The following NAV3 variants were observed in gnomAD, a reference collection of about 807,000 sequenced individuals.
NAV3 encodes the protein neuron navigator 3.
A neutral mutation model predicts 244.7 loss-of-function variants in NAV3; 87 were observed. The observed-to-expected ratio is 0.36, with a 90% CI of 0.30 to 0.42. The LOEUF (loss-of-function observed/expected upper bound fraction) is 0.42, where lower values mean the gene tolerates loss of function less well. NAV3 is among the 20% of genes least tolerant of loss of function. The pLI, the probability that NAV3 is intolerant of heterozygous loss-of-function variation, is 1.00. For missense variants in NAV3, 2,663 were observed against 2,893.3 expected (o/e 0.92, Z 1.83); for synonymous variants, 1,126 against 1,042.2 (o/e 1.08, Z -1.55).
chr12:77,846,760 T>G (rs995883372), intron 1 of NAV3, among the ~76,000 whole-genome samples: 1 of 152,212 alleles, frequency 6.6e-6, no homozygotes, highest in Admixed American at 6.5e-5. Context: ...TTAACAGGAA[T>G]TTTTCAAATT....
chr12:77,771,118 C>T (rs1870059078), intron 2 of NAV3, among the ~76,000 whole-genome samples: 1 of 152,186 alleles, frequency 6.6e-6, no homozygotes, highest in African/African-American at 2.4e-5. Flanking sequence ...TGAACAGACA[C>T]TTCTCAAAAG....
At chr12:78,045,154 A>G (rs978265321) in intron 9 of NAV3, among the ~76,000 whole-genome samples, 8 of 152,262 alleles carry the variant, frequency 5.3e-5, no homozygotes, top group Non-Finnish European at 8.8e-5. Context: ...GTTGAATTTT[A>G]TCGAAGGCCT....
chr12:77,905,386 T>G (rs1885858191), intron 1 of NAV3, among the ~76,000 whole-genome samples: 1 of 152,082 alleles, frequency 6.6e-6, no homozygotes, highest in African/African-American at 2.4e-5. Context: ...CCTTAACTTC[T>G]CTTTATAGGG....
chr12:78,150,267 C>T (rs1957023035), intron 22 of NAV3, among the ~76,000 whole-genome samples: 1 of 151,978 alleles, frequency 6.6e-6, no homozygotes, highest in South Asian at 2.1e-4. Context: ...GGCTCAATGG[C>T]AAACCTTATT....
intron 16 of NAV3, 114 bp downstream of exon 16, chr12:78,122,542 T>A (rs1955720821): frequency 7.7e-7 from 1 of 1,299,818 alleles, no homozygotes; most frequent in Non-Finnish European, 1.0e-6. Flanking sequence ...TGCAAAAAGA[T>A]GTAAGACTGA....
chr12:77,889,537 T>G (rs2136721704), intron 1 of NAV3, among the ~76,000 whole-genome samples: 1 of 152,354 alleles, frequency 6.6e-6, no homozygotes, highest in Admixed American at 6.5e-5. Context: ...TTTTAACTAC[T>G]CTAAGTTAAT....
chr12:78,154,573 T>G (rs192515467), intron 22 of NAV3, among the ~76,000 whole-genome samples: 34 of 151,422 alleles, frequency 2.2e-4, no homozygotes, highest in African/African-American at 7.0e-4. Context: ...CCAAAGAGAG[T>G]ATGGATTGAA....
chr12:78,016,327 G>A (rs1186618020), intron 8 of NAV3, among the ~76,000 whole-genome samples: 2 of 151,982 alleles, frequency 1.3e-5, no homozygotes, highest in African/African-American at 4.8e-5. Flanking sequence ...ATAATTCAAT[G>A]TGATTATTCA....
At chr12:77,958,139 G>T (rs750944379) in intron 3 of NAV3, among the ~76,000 whole-genome samples, 1 of 152,092 alleles carries the variant, frequency 6.6e-6, no homozygotes, top group Non-Finnish European at 1.5e-5. Context: ...TTGTAATTTA[G>T]CAATCAGACA....
chr12:77,949,622 T>G (rs1180255299), intron 3 of NAV3, among the ~76,000 whole-genome samples: 1 of 151,954 alleles, frequency 6.6e-6, no homozygotes, highest in African/African-American at 2.4e-5. Flanking sequence ...CCCTCACACA[T>G]GCATAGCCTC....
chr12:78,179,717 A>G, intron 29 of NAV3, 35 bp downstream of exon 29: 1 of 1,576,526 alleles, frequency 6.3e-7, no homozygotes. Flanking sequence ...AATAAAATGG[A>G]GAAACAAAAA....
chr12:77,604,615 G>T (rs550869682), intron 2 of NAV3, among the ~76,000 whole-genome samples: 2 of 151,794 alleles, frequency 1.3e-5, no homozygotes, highest in Admixed American at 1.3e-4. Context: ...TTAGAATGCA[G>T]TTGAGATACA....
At chr12:78,194,609 C>T (rs888234039) in intron 34 of NAV3, among the ~76,000 whole-genome samples, 2 of 152,026 alleles carry the variant, frequency 1.3e-5, no homozygotes, top group African/African-American at 2.4e-5. Flanking sequence ...TGTTAAATCA[C>T]CATTGTGACT....
chr12:77,977,566 T>C (rs914264541), intron 5 of NAV3, among the ~76,000 whole-genome samples: 14 of 152,150 alleles, frequency 9.2e-5, no homozygotes, highest in African/African-American at 3.1e-4. Context: ...TTTTATTTTT[T>C]TGTTACCAAT....
chr12:78,186,371 T>A (rs928679942), intron 31 of NAV3, among the ~76,000 whole-genome samples: 1 of 151,916 alleles, frequency 6.6e-6, no homozygotes, highest in Non-Finnish European at 1.5e-5. Flanking sequence ...ATAAAAATTC[T>A]TTAGAATTTT....
intron 12 of NAV3, among the ~76,000 whole-genome samples, chr12:78,109,106 A>G (rs1954953274): frequency 6.6e-6 from 1 of 152,024 alleles, no homozygotes; most frequent in Admixed American, 6.6e-5. Context: ...ACAATCAAAA[A>G]CGATAAAGGA....
At chr12:77,841,075 G>A (rs1361632229) in intron 1 of NAV3, among the ~76,000 whole-genome samples, 1 of 152,058 alleles carries the variant, frequency 6.6e-6, no homozygotes, top group Non-Finnish European at 1.5e-5. Flanking sequence ...TAGTTACTGG[G>A]TCCAATACAG....
At chr12:78,003,883 A>G (rs1211347858) in intron 7 of NAV3, among the ~76,000 whole-genome samples, 6 of 152,376 alleles carry the variant, frequency 3.9e-5, no homozygotes, top group African/African-American at 1.2e-4. Flanking sequence ...AAGAAGGTAT[A>G]TAATACCTGA....
chr12:77,670,106 G>T (rs915566633), intron 2 of NAV3, among the ~76,000 whole-genome samples: 23 of 151,950 alleles, frequency 1.5e-4, no homozygotes, highest in Non-Finnish European at 3.4e-4. Flanking sequence ...GAAACAAAAC[G>T]GGAGATATTA....
Sources: allele counts gnomAD v4.1 joint callset (sites outside exome capture counted in the v4.1 genomes callset), GRCh38; gene constraint gnomAD v4.1.1; transcripts MANE v1.5; gene names NCBI Gene and HGNC (gene_info 2026-07-23, HGNC 2026-07-21).